The following NPHP4 variants were observed in gnomAD, a reference collection of about 807,000 sequenced individuals.
The protein encoded by NPHP4 is nephrocystin 4.
A neutral mutation model predicts 155.8 loss-of-function variants in NPHP4; 151 were observed. That is an observed-to-expected ratio of 0.97 (90% CI 0.85 to 1.11). NPHP4 has a LOEUF of 1.11. Among genes scored for constraint, NPHP4 ranks in the 50% least tolerant of loss-of-function variants. The pLI is 0.00. For synonymous variants in NPHP4, 845 were observed against 816.8 expected (o/e 1.03, Z -0.59); for missense variants, 1,956 against 1,925.7 (o/e 1.02, Z -0.29).
chr1:5,895,586 G>A (rs1196305461), intron 16 of NPHP4, among the ~76,000 whole-genome samples: 2 of 152,108 alleles, frequency 1.3e-5, no homozygotes, highest in Non-Finnish European at 2.9e-5. Flanking sequence ...ACCCGTTAAC[G>A]CCCCATTTTG....
intron 2 of NPHP4, among the ~76,000 whole-genome samples, 165 bp from the exon 3 acceptor site, chr1:5,978,578 G>A (rs2102375263): frequency 6.6e-6 from 1 of 152,192 alleles, no homozygotes; most frequent in African/African-American, 2.4e-5. Flanking sequence ...TCTTGGTGGG[G>A]TTATAAACCA....
chr1:5,932,133 G>C (rs924721079), intron 10 of NPHP4, among the ~76,000 whole-genome samples: 2 of 152,112 alleles, frequency 1.3e-5, no homozygotes, highest in African/African-American at 4.8e-5. Context: ...CTTTTTGCTA[G>C]TGGAGGGTTG....
In NPHP4 at chr1:5,867,702, C is replaced by G. The variant is rs1266014599; in HGVS notation, c.3472+38G>C. 3 of 1,600,386 alleles carry G rather than the reference C, an allele frequency of 1.9e-6. No homozygotes were observed. Among genetic ancestry groups the G allele is most frequent in the Non-Finnish European group, 2.5e-6 (3 of 1,176,504 alleles). On this transcript the variant is annotated intron_variant, in intron 24 of 29. Coordinates refer to ENST00000378156, the MANE Select transcript of NPHP4 (RefSeq NM_015102.5). This position sits in a 1 kb window ranked among gnomAD's most constrained non-coding sequence, Gnocchi z 4.1. ...AGGTATCTACTTCCAACAGGTGAGCCTGCAACATGTGGGCTGCAGGGTCAG... is the reference window on the plus strand; with the variant it reads ...AGGTATCTACTTCCAACAGGTGAGCGTGCAACATGTGGGCTGCAGGGTCAG...
At chr1:5,952,899 G>A (rs565833622) in intron 6 of NPHP4, 63 bp from the exon 7 acceptor site, 23 of 1,486,490 alleles carry the variant, frequency 1.5e-5, no homozygotes, top group East Asian at 7.4e-5. Flanking sequence ...GGCAGCCACC[G>A]AGGGTCCCTA....
At chr1:5,942,530 C>CAA (rs71568632) in intron 9 of NPHP4, among the ~76,000 whole-genome samples, 4,248 of 19,654 alleles carry the variant, frequency 0.22, 500 homozygotes, top group Non-Finnish European at 0.31. Flanking sequence ...GACTCCATCT[C>CAA]AAAAAAAAAA....
chr1:5,922,663 AAAAAACTT>A (rs1473956321), intron 11 of NPHP4, among the ~76,000 whole-genome samples: 2 of 152,192 alleles, frequency 1.3e-5, no homozygotes, highest in Non-Finnish European at 2.9e-5. Context: ...TCTACAAAAC[AAAAAACTT>A]AGCCAGGCAC....
At chr1:5,962,386 C>A (rs1444446250) in intron 5 of NPHP4, among the ~76,000 whole-genome samples, 1 of 152,066 alleles carries the variant, frequency 6.6e-6, no homozygotes, top group East Asian at 1.9e-4. Context: ...CTCTCCCACC[C>A]ACTAATTCCC....
Position 5,910,556 on chromosome 1 carries a change from G to C in NPHP4, c.1442-1343C>G, listed in dbSNP as rs974192696. 6.6e-6 allele frequency among the ~76,000 whole-genome samples: 1 copy of C among 152,280 alleles called. No individual in the cohort carries two copies. Among genetic ancestry groups the C allele is most frequent in the South Asian group, 2.1e-4 (1 of 4,820 alleles). ...CTGAATTCCTATGGCACAGAGCACA[G>C]GCCGGCACTTACGGGACCTACGGAC... On this transcript the variant is annotated intron_variant, in intron 11 of 29. Coordinates refer to ENST00000378156, the MANE Select transcript of NPHP4 (RefSeq NM_015102.5). This position sits in a 1 kb window ranked among gnomAD's most constrained non-coding sequence, Gnocchi z 5.4.
At chr1:5,991,979 AC>A (rs1187768189) in intron 1 of NPHP4, among the ~76,000 whole-genome samples, 1 of 150,666 alleles carries the variant, frequency 6.6e-6, no homozygotes, top group Non-Finnish European at 1.5e-5. Flanking sequence ...GCAGAAAGGA[AC>A]CCACGTAGCC....
chr1:5,957,151 A>C (rs556637721), intron 6 of NPHP4, among the ~76,000 whole-genome samples: 1 of 152,272 alleles, frequency 6.6e-6, no homozygotes, highest in African/African-American at 2.4e-5. Context: ...CCTACCTTTA[A>C]TTTATCTGTT....
chr1:5,895,906 C>T (rs1202533530), intron 16 of NPHP4, among the ~76,000 whole-genome samples: 2 of 152,312 alleles, frequency 1.3e-5, no homozygotes, highest in East Asian at 1.9e-4. Flanking sequence ...ACGCAGCTAC[C>T]GTAGAGACGG....
chr1:5,935,201 C>T (rs1013243149), intron 9 of NPHP4, among the ~76,000 whole-genome samples: 4 of 152,222 alleles, frequency 2.6e-5, no homozygotes, highest in African/African-American at 4.8e-5. Context: ...AATTTAGAAT[C>T]GGCATCTTGT....
chr1:5,883,166 A>G (rs900374105), intron 18 of NPHP4, among the ~76,000 whole-genome samples: 2 of 152,188 alleles, frequency 1.3e-5, no homozygotes, highest in African/African-American at 4.8e-5. Flanking sequence ...ATGGCAGACA[A>G]ACAAGCAGGC....
chr1:5,960,306 G>A (rs1261451414), intron 6 of NPHP4, among the ~76,000 whole-genome samples: 2 of 152,060 alleles, frequency 1.3e-5, no homozygotes, highest in African/African-American at 4.8e-5. Flanking sequence ...CTGGAATGCT[G>A]GAAAAACAGT....
Position 5,887,421 on chromosome 1 carries a change from G to A in NPHP4, c.2350C>T (p.Leu784Phe). 1.2e-6 allele frequency: 2 copies of A among 1,613,364 alleles called. No individual in the cohort carries two copies. Among genetic ancestry groups the A allele is most frequent in the Non-Finnish European group, 1.7e-6 (2 of 1,179,892 alleles). The change falls in exon 18 of 30, where the codon CTT becomes TTT. Residue 784 changes from leucine to phenylalanine, a missense_variant. Coordinates refer to ENST00000378156, the MANE Select transcript of NPHP4 (RefSeq NM_015102.5). ...GRPAVQASHE[L>F]EVVATEYEQD... is the part of the protein sequence containing the mutation. ...TCGTATTCAGTTGCCACGACCTCAA[G>A]CTCGTGGGAGGCCTGCACAGCCGGC... is the stretch of plus-strand genomic sequence containing the variant.
rs55734317 is a variant in NPHP4, at chr1:5,964,941, A to ATTTTTTTT, written c.517+2350_517+2357dup. 8.9e-4 allele frequency among the ~76,000 whole-genome samples: 53 copies of ATTTTTTTT among 59,408 alleles called. 2 individuals are homozygous for ATTTTTTTT. Among genetic ancestry groups the ATTTTTTTT allele is most frequent in the African/African-American group, 2.3e-3 (27 of 11,784 alleles). 39.0% of individuals were successfully genotyped at this position (59,408 alleles called of 152,430 possible). On this transcript the variant is annotated intron_variant, in intron 5 of 29. Transcript: ENST00000378156. ...ATTATATATATATATATATATATAT[A>ATTTTTTTT]TTTTTTTTTTTTGAGGCAGGGTCTC...
intron 3 of NPHP4, among the ~76,000 whole-genome samples, chr1:5,977,135 G>A (rs796419057): frequency 1.8e-4 from 28 of 152,148 alleles, no homozygotes; most frequent in African/African-American, 6.5e-4. Context: ...CCCCCCACTC[G>A]AGTTCAGCTG....
chr1:5,983,827 T>G (rs539699944), intron 2 of NPHP4, among the ~76,000 whole-genome samples: 1 of 152,368 alleles, frequency 6.6e-6, no homozygotes, highest in African/African-American at 2.4e-5. Context: ...CTACTTTTTC[T>G]GATACTAGTA....
At chr1:5,875,212 G>C in intron 20 of NPHP4, 112 bp from the exon 21 acceptor site, 2 of 835,396 alleles carry the variant, frequency 2.4e-6, no homozygotes, top group Non-Finnish European at 3.9e-6. Context: ...TTCTCCACAA[G>C]CATCGCCACC....
Sources: allele counts gnomAD v4.1 joint callset (sites outside exome capture counted in the v4.1 genomes callset), GRCh38; gene constraint gnomAD v4.1.1; non-coding constraint Gnocchi (gnomAD v3.1); transcripts MANE v1.5; gene names NCBI Gene and HGNC (gene_info 2026-07-23, HGNC 2026-07-21).